Variants in ADAMTS12 observed in about 807,000 individuals in gnomAD.
ADAMTS12 encodes A disintegrin and metalloproteinase with thrombospondin motifs 12.
A neutral mutation model predicts 167.8 loss-of-function variants in ADAMTS12; 118 were observed. The ratio of observed to expected loss-of-function variants is 0.70; its 90% CI spans 0.61 to 0.82. The LOEUF is 0.82. Among genes scored for constraint, ADAMTS12 ranks in the 40% least tolerant of loss-of-function variants. The pLI, the probability that ADAMTS12 is intolerant of heterozygous loss-of-function variation, is 0.00. For synonymous variants in ADAMTS12, 704 were observed against 716.9 expected (o/e 0.98, Z 0.29); for missense variants, 1,916 against 1,998.8 (o/e 0.96, Z 0.79).
intron 2 of ADAMTS12, among the ~76,000 whole-genome samples, chr5:33,853,437 A>G (rs1749289738): frequency 6.6e-6 from 1 of 152,190 alleles, no homozygotes; most frequent in Non-Finnish European, 1.5e-5. Context: ...CTTTTCTGGT[A>G]AGAGCTATCC....
Position 33,881,379 on chromosome 5 carries a change from T to A in ADAMTS12, c.229A>T (p.Ser77Cys). The A allele has an allele frequency of 1.2e-6, 2 of 1,614,198 alleles. No homozygotes were observed. Among genetic ancestry groups the A allele is most frequent in the Non-Finnish European group, 1.7e-6 (2 of 1,180,026 alleles). The change falls in exon 2 of 24, where the codon AGC (serine) becomes TGC (cysteine). Residue 77 changes from serine (S) to cysteine (C), a missense_variant. Transcript: ENST00000504830. The part of the protein sequence containing the change: ...LSYGLHYPIT[S>C]SRRKRDLDGS... The stretch of plus-strand genomic sequence containing the variant: ...TCCAAATCTCTCTTCCTCCTGCTGC[T>A]CGTGATGGGATAGTGCAAGCCATAT...
chr5:33,631,206 A>G (rs1208601454), intron 12 of ADAMTS12, among the ~76,000 whole-genome samples: 1 of 152,204 alleles, frequency 6.6e-6, no homozygotes, highest in Non-Finnish European at 1.5e-5. Context: ...TCTATTCAAC[A>G]TTGAATTGTG....
chr5:33,684,041 A>G lies in ADAMTS12; in HGVS notation c.649T>C (p.Ser217Pro). 2 of 1,598,266 alleles carry G rather than the reference A, an allele frequency of 1.3e-6. No individual in the cohort carries two copies. The highest frequency in any genetic ancestry group is 8.5e-7 in the Non-Finnish European group (1 of 1,172,448). Reference sequence around the variant, plus strand: ...TCCCGCCATAGCTCTTGCTTCTGGGAGATGTTAACACTGTCTAAACAGTAA... The same window carrying G: ...TCCCGCCATAGCTCTTGCTTCTGGGGGATGTTAACACTGTCTAAACAGTAA... The part of the protein sequence containing the change: ...TCGLKDSVNI[S>P]QKQELWREKW... Residue 217 changes from serine to proline, a missense_variant, in exon 4 of 24, where the codon TCC becomes CCC. By Grantham distance (74) the Ser-to-Pro change is moderately conservative (BLOSUM62 -1). Transcript: ENST00000504830.
intron 19 of ADAMTS12, among the ~76,000 whole-genome samples, chr5:33,572,053 A>G (rs1197417902): frequency 6.6e-5 from 10 of 152,304 alleles, no homozygotes; most frequent in Admixed American, 2.0e-4. Flanking sequence ...ACCAGGAAGA[A>G]GTTGAATCTC....
At position 33,683,953 on chromosome 5, in the gene ADAMTS12, C is replaced by G; in HGVS notation, c.737G>C (p.Arg246Thr). 1 of 1,612,872 alleles carries G rather than the reference C, an allele frequency of 6.2e-7. No individual in the cohort carries two copies. The highest frequency in any genetic ancestry group is 1.7e-5 in the Admixed American group (1 of 59,894). The change falls in exon 4 of 24, where the codon AGA becomes ACA. Residue 246 changes from arginine (R) to threonine (T), a missense_variant. By Grantham distance (71) the Arg-to-Thr change is moderately conservative. Transcript: ENST00000504830. The stretch of plus-strand genomic sequence containing the variant: ...GGCCACCACCAGTGTCTCCACCCAT[C>G]TCTCCTTGCTGATGGAACGCCGAGA... ...SLSRRSISKE[R>T]WVETLVVADT...
intron 2 of ADAMTS12, among the ~76,000 whole-genome samples, chr5:33,805,002 C>CT (rs1346758001): frequency 6.6e-6 from 1 of 152,226 alleles, no homozygotes; most frequent in Non-Finnish European, 1.5e-5. Context: ...CAAACAATGT[C>CT]TGACTAGTAC....
intron 2 of ADAMTS12, among the ~76,000 whole-genome samples, chr5:33,818,804 A>G (rs1747762605): frequency 6.6e-6 from 1 of 152,054 alleles, no homozygotes; most frequent in Non-Finnish European, 1.5e-5. Flanking sequence ...GATATCTCAT[A>G]GTGATTTTAA....
intron 2 of ADAMTS12, among the ~76,000 whole-genome samples, chr5:33,855,341 C>G (rs897317635): frequency 3.3e-5 from 5 of 152,184 alleles, no homozygotes; most frequent in African/African-American, 9.7e-5. Flanking sequence ...TTAATCCTTG[C>G]ATTTCTGGAA....
intron 2 of ADAMTS12, among the ~76,000 whole-genome samples, chr5:33,770,785 TCTTCTC>T (rs1745706881): frequency 6.7e-6 from 1 of 149,744 alleles, no homozygotes; most frequent in South Asian, 2.1e-4. Context: ...CCTGCTTTCT[TCTTCTC>T]CTTCTCCTCC....
chr5:33,526,122 T>C lies in ADAMTS12; in HGVS notation c.*1066A>G, dbSNP rs1332431851. The C allele has an allele frequency of 6.6e-6, 1 of 152,262 alleles. No homozygotes were observed. Among genetic ancestry groups the C allele is most frequent in the Non-Finnish European group, 1.5e-5 (1 of 68,036 alleles). 9.4% of individuals were successfully genotyped at this position (152,262 alleles called of 1,614,324 possible). ...TTCTCTAGATTAGAAGTTTGCACTA[T>C]GTTCTTGTACTTAGTACAATTTACC... On this transcript the variant is annotated 3_prime_UTR_variant, in exon 24 of 24. Transcript: ENST00000504830.
intron 2 of ADAMTS12, among the ~76,000 whole-genome samples, chr5:33,817,358 T>C (rs1747700173): frequency 6.6e-6 from 1 of 152,184 alleles, no homozygotes; most frequent in Non-Finnish European, 1.5e-5. Context: ...TCAAGAAATA[T>C]TTATGATTCC....
At chr5:33,635,609 G>T (rs537265781) in intron 12 of ADAMTS12, among the ~76,000 whole-genome samples, 2 of 152,258 alleles carry the variant, frequency 1.3e-5, no homozygotes, top group South Asian at 2.1e-4. Flanking sequence ...GTCCACTGAG[G>T]GGGTAGAAAA....
At chr5:33,885,255 T>G (rs1413601424) in intron 1 of ADAMTS12, among the ~76,000 whole-genome samples, 2 of 152,202 alleles carry the variant, frequency 1.3e-5, no homozygotes, top group Non-Finnish European at 2.9e-5. Flanking sequence ...TAATTGCATC[T>G]CTACTATAAT....
At position 33,732,344 on chromosome 5, in the gene ADAMTS12, C is replaced by T. The variant is rs189354351; in HGVS notation, c.634+19060G>A. ...AGAAAGAAAACGTCTAAATGAAAAT[C>T]TTACATAAGAAGAGATAAAAAAATT... On this transcript the variant is annotated intron_variant, in intron 3 of 23. Transcript: ENST00000504830. Among the ~76,000 whole-genome samples the T allele has an allele frequency of 5.1e-3, 777 of 152,204 alleles. 8 individuals are homozygous for T. The highest frequency in any genetic ancestry group is 0.018 in the African/African-American group (758 of 41,528).
chr5:33,527,387 T>A (rs1382773310), intron 23 of ADAMTS12, 21 bp from the exon 24 acceptor site: 9 of 1,607,010 alleles, frequency 5.6e-6, no homozygotes, highest in Admixed American at 5.1e-5. Flanking sequence ...AGAAAAAGAA[T>A]AAGAAAAAAG....
Position 33,683,198 on chromosome 5 carries a change from T to C in ADAMTS12, c.832-97A>G. Reference sequence around the variant, plus strand: ...CATTGTAATGCACATAAAATAAAGGTTTTCTTATAGGTCAGAAATGTTTGG... The same window carrying C: ...CATTGTAATGCACATAAAATAAAGGCTTTCTTATAGGTCAGAAATGTTTGG... On this transcript the variant is annotated intron_variant, in intron 4 of 23. Coordinates refer to ENST00000504830, the MANE Select transcript of ADAMTS12 (RefSeq NM_030955.4). 2 of 933,150 alleles carry C rather than the reference T, an allele frequency of 2.1e-6. 1 individual carries two copies. The highest frequency in any genetic ancestry group is 3.4e-5 in the South Asian group (2 of 58,312). The allele number at this position is 933,150 out of a possible 1,614,324, so 57.8% of individuals were successfully genotyped here. A position where few individuals can be genotyped will look rare whatever the true frequency, so the allele number is the denominator to read the frequency against.
In ADAMTS12 at chr5:33,525,741, T is replaced by C. The variant is rs1331709005; in HGVS notation, c.*1447A>G. 1 of 152,230 alleles carries C rather than the reference T, an allele frequency of 6.6e-6. No homozygotes were observed. Among genetic ancestry groups the C allele is most frequent in the Non-Finnish European group, 1.5e-5 (1 of 68,048 alleles). The allele number at this position is 152,230 out of a possible 1,614,324, so 9.4% of individuals were successfully genotyped here. On this transcript the variant is annotated 3_prime_UTR_variant, in exon 24 of 24. Transcript: ENST00000504830. ...GTCAGAAAATATGCTGCCCATCACA[T>C]GAAGGCCACATCCTTGCCTTTCTCC...
At chr5:33,594,618 C>T (rs1342774611) in intron 17 of ADAMTS12, among the ~76,000 whole-genome samples, 1 of 152,150 alleles carries the variant, frequency 6.6e-6, no homozygotes, top group Non-Finnish European at 1.5e-5. Context: ...GCCTTATCTT[C>T]CCTTGTCATT....
chr5:33,567,779 T>C (rs1474899927), intron 19 of ADAMTS12, among the ~76,000 whole-genome samples: 3 of 152,210 alleles, frequency 2.0e-5, no homozygotes, highest in Non-Finnish European at 4.4e-5. Flanking sequence ...TTCTCATCTG[T>C]ATACCCAAGG....
Sources: gnomAD v4.1 joint callset for allele counts (sites outside exome capture counted in the v4.1 genomes callset) on GRCh38, gnomAD v4.1.1 for gene constraint, MANE v1.5 for transcripts, NCBI Gene and HGNC (gene_info 2026-07-23, HGNC 2026-07-21) for gene names.